Variants in SNX8 observed in about 807,000 individuals in gnomAD.
SNX8 encodes sorting nexin 8.
A neutral mutation model predicts 51.6 loss-of-function variants in SNX8; 25 were observed. That is an observed-to-expected ratio of 0.48 (90% confidence interval 0.35 to 0.68). The LOEUF (loss-of-function observed/expected upper bound fraction) is 0.68. SNX8 is among the 30% of genes least tolerant of loss of function. SNX8 has a pLI of 0.00. For missense variants in SNX8, 695 were observed against 624.0 expected (o/e 1.11, Z -1.21); for synonymous variants, 324 against 277.0 (o/e 1.17, Z -1.68).
intron 7 of SNX8, among the ~76,000 whole-genome samples, chr7:2,258,747 C>T (rs894734547): frequency 2.6e-5 from 4 of 152,166 alleles, no homozygotes; most frequent in African/African-American, 7.2e-5. Context: ...GCACCACACT[C>T]GGCGGTGGGG....
At chr7:2,326,148 G>A (rs184471202) in intron 1 of SNX8, among the ~76,000 whole-genome samples, 28 of 152,118 alleles carry the variant, frequency 1.8e-4, no homozygotes, top group African/African-American at 6.5e-4. Flanking sequence ...GAGTTGGGAG[G>A]AATTCAGGAG....
intron 1 of SNX8, among the ~76,000 whole-genome samples, chr7:2,327,359 C>T (rs1778640852): frequency 6.6e-6 from 1 of 151,902 alleles, no homozygotes; most frequent in African/African-American, 2.4e-5. Flanking sequence ...CCTGCCTAAG[C>T]CTCCCAAGTA....
intron 1 of SNX8, among the ~76,000 whole-genome samples, chr7:2,348,733 G>C (rs907831399): frequency 1.7e-4 from 26 of 151,524 alleles, no homozygotes; most frequent in African/African-American, 2.4e-5. Context: ...GATCACCTGA[G>C]GTCAGGAGTT....
intron 1 of SNX8, among the ~76,000 whole-genome samples, chr7:2,345,608 G>A (rs1178161882): frequency 6.6e-6 from 1 of 151,744 alleles, no homozygotes. Context: ...AACCCAGGAG[G>A]TGGAGGATGC....
intron 9 of SNX8, 151 bp downstream of exon 9, chr7:2,257,214 C>A: frequency 6.2e-6 from 7 of 1,129,662 alleles, no homozygotes; most frequent in Non-Finnish European, 8.6e-6. Flanking sequence ...GCTCTGGGCA[C>A]GCGGGCCAGC....
chr7:2,351,570 C>T (rs1042564213), intron 1 of SNX8, among the ~76,000 whole-genome samples: 3 of 150,854 alleles, frequency 2.0e-5, no homozygotes, highest in East Asian at 3.9e-4. Context: ...CAGTGGCTCA[C>T]GCCTGTAATC....
intron 1 of SNX8, among the ~76,000 whole-genome samples, chr7:2,298,375 T>A (rs958640286): frequency 6.6e-6 from 1 of 152,094 alleles, no homozygotes; most frequent in Non-Finnish European, 1.5e-5. Flanking sequence ...TGGGTTGTTT[T>A]GTTTTGTTTT....
intron 5 of SNX8, among the ~76,000 whole-genome samples, chr7:2,268,487 C>T (rs1300156107): frequency 6.9e-6 from 1 of 145,130 alleles, no homozygotes; most frequent in Non-Finnish European, 1.5e-5. Context: ...GCCGCCCCAT[C>T]CGGGAGGGAG....
At chr7:2,286,914 G>T (rs1300022515) in intron 1 of SNX8, among the ~76,000 whole-genome samples, 2 of 151,824 alleles carry the variant, frequency 1.3e-5, no homozygotes, top group Non-Finnish European at 2.9e-5. Context: ...GCTGAGGTGG[G>T]CAGATCATGA....
At chr7:2,271,194 C>A (rs535827367) in intron 4 of SNX8, among the ~76,000 whole-genome samples, 1 of 152,358 alleles carries the variant, frequency 6.6e-6, no homozygotes, top group South Asian at 2.1e-4. Flanking sequence ...CAGGTGTGCA[C>A]CACCATGCCT....
intron 1 of SNX8, among the ~76,000 whole-genome samples, chr7:2,312,168 C>T (rs1796671028): frequency 6.6e-6 from 1 of 152,082 alleles, no homozygotes; most frequent in Non-Finnish European, 1.5e-5. Context: ...AAGCCAACTA[C>T]CTACAGGAAT....
At position 2,341,467 on chromosome 7, in the gene SNX8, C is replaced by G. The variant is rs568873768; in HGVS notation, c.-66+12755G>C. Among the ~76,000 whole-genome samples, 4 of 152,118 alleles carry G rather than the reference C, an allele frequency of 2.6e-5. No individual in the cohort carries two copies. In the South Asian group the frequency reaches 8.3e-4, roughly 32 times the overall value. ...TGAGCTGAGGTCGCACTACTGCACT[C>G]CAGCCTGGGCAACAAGAGCGAGACT... is the stretch of plus-strand genomic sequence containing the variant. On this transcript the variant is annotated intron_variant, in intron 1 of 5. Transcript: ENST00000435336.
At chr7:2,270,314 CAAAAAAA>C (rs57983721) in intron 4 of SNX8, among the ~76,000 whole-genome samples, 33 of 57,088 alleles carry the variant, frequency 5.8e-4, no homozygotes, top group South Asian at 9.7e-4. Flanking sequence ...TCTCATTTTA[CAAAAAAA>C]AAAAAAAAAA....
intron 1 of SNX8, among the ~76,000 whole-genome samples, chr7:2,337,951 T>C (rs1348674469): frequency 6.6e-6 from 1 of 151,634 alleles, no homozygotes. Flanking sequence ...GGGAGAAGTA[T>C]GCCTGTTATA....
intron 1 of SNX8, among the ~76,000 whole-genome samples, chr7:2,353,245 G>T (rs1177028105): frequency 6.6e-6 from 1 of 152,034 alleles, no homozygotes; most frequent in African/African-American, 2.4e-5. Context: ...TAGGCCCTGC[G>T]CGGTGGTTCA....
At chr7:2,258,665 G>A (rs1296280817) in intron 7 of SNX8, among the ~76,000 whole-genome samples, 2 of 152,026 alleles carry the variant, frequency 1.3e-5, no homozygotes, top group African/African-American at 2.4e-5. Context: ...GTAGGTAGGA[G>A]AGACAGCAGC....
chr7:2,351,540 AAAT>A (rs1421442163), intron 1 of SNX8, among the ~76,000 whole-genome samples: 1 of 152,020 alleles, frequency 6.6e-6, no homozygotes, highest in Non-Finnish European at 1.5e-5. Context: ...CCCTGTTAAA[AAAT>A]AATAATAGGC....
chr7:2,285,886 T>C (rs1180597158), intron 1 of SNX8, among the ~76,000 whole-genome samples: 2 of 151,920 alleles, frequency 1.3e-5, no homozygotes, highest in African/African-American at 4.8e-5. Flanking sequence ...TCTCACTATG[T>C]TGCCCAGGCT....
intron 1 of SNX8, among the ~76,000 whole-genome samples, chr7:2,280,182 C>T (rs551896319): frequency 6.6e-6 from 1 of 152,176 alleles, no homozygotes; most frequent in Non-Finnish European, 1.5e-5. Flanking sequence ...TCACCGTGCA[C>T]CCTGCACAAA....
Sources: allele counts gnomAD v4.1 joint callset (sites outside exome capture counted in the v4.1 genomes callset), GRCh38; gene constraint gnomAD v4.1.1; transcripts MANE v1.5; gene names NCBI Gene and HGNC (gene_info 2026-07-23, HGNC 2026-07-21).